BCAS3: variants seen among roughly 807,000 people sequenced by gnomAD.
BCAS3 encodes the protein BCAS4/BCAS3 fusion.
BCAS3 carries 53 observed loss-of-function variants against 116.1 expected under a neutral mutation model. That is an observed-to-expected ratio of 0.46 (90% CI 0.37 to 0.57). The LOEUF is 0.57. Ranked by LOEUF, BCAS3 falls within the 20% of genes least tolerant of loss-of-function variation. The pLI is 0.00. For missense variants in BCAS3, 917 were observed against 1,165.4 expected (o/e 0.79, Z 3.10); for synonymous variants, 391 against 408.2 (o/e 0.96, Z 0.51).
At chr17:60,905,218 T>G (rs957340123) in intron 11 of BCAS3, among the ~76,000 whole-genome samples, 3 of 152,170 alleles carry the variant, frequency 2.0e-5, no homozygotes, top group African/African-American at 7.2e-5. Flanking sequence ...CCACTTGGGA[T>G]AAGAATATAT....
rs376783855 is a variant in BCAS3 at position 61,203,967 on chromosome 17, GC to G, written c.2425+119408del. On this transcript the variant is annotated intron_variant, in intron 22 of 23. Coordinates refer to ENST00000407086, the MANE Select transcript of BCAS3 (RefSeq NM_017679.5). The surrounding 1 kb of genome is among the most constrained non-coding windows in gnomAD (Gnocchi z 5.7). ...GGTTCAAGCTGGGAGGCAGTGCCCG[GC>G]CCCCTTCTTTCACAGCTGGGGTTTT... Among the ~76,000 whole-genome samples, 260 of 152,290 alleles carry G rather than the reference GC, an allele frequency of 1.7e-3. 1 individual carries two copies. The highest frequency in any genetic ancestry group is 5.8e-3 in the African/African-American group (240 of 41,570).
At chr17:61,301,702 A>C (rs1423546530) in intron 22 of BCAS3, among the ~76,000 whole-genome samples, 2 of 152,214 alleles carry the variant, frequency 1.3e-5, no homozygotes, top group Non-Finnish European at 2.9e-5. Context: ...TTCTGCCTAC[A>C]TTATAATTGA....
intron 9 of BCAS3, among the ~76,000 whole-genome samples, chr17:60,880,219 T>C (rs553506810): frequency 2.2e-4 from 33 of 152,266 alleles, no homozygotes; most frequent in African/African-American, 7.2e-4. Context: ...ATCTGTGAAA[T>C]GGTATTTAAT....
At position 61,040,860 on chromosome 17, in the gene BCAS3, C is replaced by G. The variant is rs181431699; in HGVS notation, c.1997C>G (p.Ala666Gly). The G allele has an allele frequency of 6.2e-7, 1 of 1,614,104 alleles. No homozygotes were observed. The highest frequency in any genetic ancestry group is 8.5e-7 in the Non-Finnish European group (1 of 1,179,984). The change falls in exon 19 of 24, where the codon GCA becomes GGA. Residue 666 changes from alanine (A) to glycine (G), a missense_variant. Ala to Gly is a moderately conservative substitution (Grantham distance 60, BLOSUM62 0). Around this residue, in one of 3 missense-constraint regions of BCAS3, gnomAD observed 807 missense variants for 1,026.0 expected, o/e 0.79. Coordinates refer to ENST00000407086, the MANE Select transcript of BCAS3 (RefSeq NM_017679.5). ...CACCCTCTGCTCCTCGCTGCAGATG[C>G]AGTACAGTATTATCAGTTCCTGCTT... ...ANHPLLLAAD[A>G]VQYYQFLLAG...
chr17:61,283,376 A>T (rs1246599374), intron 22 of BCAS3, among the ~76,000 whole-genome samples: 1 of 152,088 alleles, frequency 6.6e-6, no homozygotes, highest in Admixed American at 6.5e-5. Context: ...TCTCCTATTT[A>T]GTTCATCAGC....
intron 4 of BCAS3, among the ~76,000 whole-genome samples, chr17:60,699,182 C>A (rs988861156): frequency 2.0e-5 from 3 of 152,050 alleles, no homozygotes; most frequent in African/African-American, 7.2e-5. Flanking sequence ...CACATAGAAA[C>A]TTATAAAACA....
chr17:61,157,573 T>C (rs1289127435), intron 22 of BCAS3: 1 of 151,988 alleles, frequency 6.6e-6, no homozygotes, highest in East Asian at 1.9e-4. Context: ...TCTTCCTCTG[T>C]TTCTCTCTTT....
At position 61,068,072 on chromosome 17, in the gene BCAS3, A is replaced by G. The variant is rs2070915802; in HGVS notation, c.2030-6848A>G. 6.6e-6 allele frequency among the ~76,000 whole-genome samples: 1 copy of G among 152,202 alleles called. No individual in the cohort carries two copies. The highest frequency in any genetic ancestry group is 2.4e-5 in the African/African-American group (1 of 41,456). The stretch of plus-strand genomic sequence containing the variant: ...GTTTGAAAATTACTGTACTAAGAAC[A>G]TGGCTAGATTTATATCCTTGTACCA... On this transcript the variant is annotated intron_variant, in intron 19 of 23. Transcript: ENST00000407086. This position sits in a 1 kb window ranked among gnomAD's most constrained non-coding sequence, Gnocchi z 4.3.
Position 61,019,135 on chromosome 17 carries a change from G to A in BCAS3, c.1637+3234G>A, listed in dbSNP as rs867407697. Among the ~76,000 whole-genome samples the A allele has an allele frequency of 3.3e-4, 50 of 152,172 alleles. 1 individual carries two copies. The highest frequency in any genetic ancestry group is 5.9e-4 in the Admixed American group (9 of 15,282). On this transcript the variant is annotated intron_variant, in intron 16 of 23. Transcript: ENST00000407086. This position sits in a 1 kb window ranked among gnomAD's most constrained non-coding sequence, Gnocchi z 5.6. ...TCCCTGGCCTGTTAGGAACTGAGCC[G>A]CACAGCAGGAGGTGAACAACAGGCG...
intron 22 of BCAS3, among the ~76,000 whole-genome samples, chr17:61,179,480 T>C (rs2079347257): frequency 6.6e-6 from 1 of 152,116 alleles, no homozygotes; most frequent in African/African-American, 2.4e-5. Flanking sequence ...AGGCCTGCCT[T>C]TGAGGCCCAT....
At position 60,838,746 on chromosome 17, in the gene BCAS3, G is replaced by A. The variant is rs1162497068; in HGVS notation, c.477-29830G>A. 2.6e-5 allele frequency among the ~76,000 whole-genome samples: 4 copies of A among 152,116 alleles called. No homozygotes were observed. The South Asian group carries it at 8.3e-4, about 31-fold the overall frequency. On this transcript the variant is annotated intron_variant, in intron 7 of 23. Coordinates refer to ENST00000407086, the MANE Select transcript of BCAS3 (RefSeq NM_017679.5). Reference sequence around the variant, plus strand: ...GTTGACTTCTATATACCGCCATTTTGGAAATGTTTTTCTAGACAAAATCTA... The same window carrying A: ...GTTGACTTCTATATACCGCCATTTTAGAAATGTTTTTCTAGACAAAATCTA...
chr17:61,380,787 G>A lies in BCAS3; in HGVS notation c.2594-11190G>A, dbSNP rs1367615863. ...ACCCAACAAGAGTTTCTTTGAGAAC[G>A]CCACTCCCTGCCCCCCACTTTGAAG... On this transcript the variant is annotated intron_variant, in intron 23 of 23. Transcript: ENST00000407086. The surrounding 1 kb of genome is among the most constrained non-coding windows in gnomAD (Gnocchi z 4.2). Among the ~76,000 whole-genome samples the A allele has an allele frequency of 4.6e-5, 7 of 152,082 alleles. No homozygotes were observed. The highest frequency in any genetic ancestry group is 2.1e-4 in the South Asian group (1 of 4,812).
In BCAS3 at chr17:61,205,486, T is replaced by A. The variant is rs1198563205; in HGVS notation, c.2425+120922T>A. Among the ~76,000 whole-genome samples the A allele has an allele frequency of 6.6e-6, 1 of 152,186 alleles. No individual in the cohort carries two copies. The highest frequency in any genetic ancestry group is 1.5e-5 in the Non-Finnish European group (1 of 68,036). On this transcript the variant is annotated intron_variant, in intron 22 of 23. Transcript: ENST00000407086. This position sits in a 1 kb window ranked among gnomAD's most constrained non-coding sequence, Gnocchi z 5.2. ...TCAAGGAAATGGCAAACAAACACCT[T>A]AGGTGATCCTGTGTGACATTCAGGA...
chr17:60,745,001 T>C (rs1434585521), intron 5 of BCAS3, among the ~76,000 whole-genome samples: 1 of 152,170 alleles, frequency 6.6e-6, no homozygotes, highest in Non-Finnish European at 1.5e-5. Flanking sequence ...ATTGTGAGTA[T>C]GCTAAGACAG....
intron 22 of BCAS3, among the ~76,000 whole-genome samples, chr17:61,168,525 T>G (rs2078651590): frequency 6.6e-6 from 1 of 152,232 alleles, no homozygotes; most frequent in Admixed American, 6.5e-5. Context: ...TTTTCCCTCC[T>G]GCCAAAGTCT....
At chr17:61,260,720 C>T (rs1422230357) in intron 22 of BCAS3, among the ~76,000 whole-genome samples, 1 of 152,226 alleles carries the variant, frequency 6.6e-6, no homozygotes, top group Non-Finnish European at 1.5e-5. Flanking sequence ...TTGAGAGACA[C>T]TTTGTACCGA....
intron 22 of BCAS3, among the ~76,000 whole-genome samples, chr17:61,194,765 C>T (rs916388337): frequency 1.4e-5 from 2 of 146,830 alleles, no homozygotes; most frequent in Non-Finnish European, 3.0e-5. Flanking sequence ...AAAAGATATA[C>T]TAACTATGTG....
At chr17:60,724,016 G>A (rs979047791) in intron 5 of BCAS3, among the ~76,000 whole-genome samples, 1 of 150,484 alleles carries the variant, frequency 6.6e-6, no homozygotes, top group Admixed American at 6.6e-5. Context: ...CACCGTGCCC[G>A]GCCTACTTTT....
At position 61,241,661 on chromosome 17, in the gene BCAS3, G is replaced by A. The variant is rs2047532503; in HGVS notation, c.2426-126666G>A. ...GTGAACCCAGGAGCCAGAGCTTGCA[G>A]TGAGCCGAGATCGTGCCAGTGCACT... On this transcript the variant is annotated intron_variant, in intron 22 of 23. Coordinates refer to ENST00000407086, the MANE Select transcript of BCAS3 (RefSeq NM_017679.5). This position sits in a 1 kb window ranked among gnomAD's most constrained non-coding sequence, Gnocchi z 4.6. 1.3e-5 allele frequency among the ~76,000 whole-genome samples: 2 copies of A among 152,126 alleles called. No homozygotes were observed. Among genetic ancestry groups the A allele is most frequent in the Non-Finnish European group, 2.9e-5 (2 of 68,040 alleles).
Sources: allele counts gnomAD v4.1 joint callset (sites outside exome capture counted in the v4.1 genomes callset), GRCh38; gene constraint gnomAD v4.1.1; regional missense constraint gnomAD v4.1.1; non-coding constraint Gnocchi (gnomAD v3.1); transcripts MANE v1.5; gene names NCBI Gene and HGNC (gene_info 2026-07-23, HGNC 2026-07-21).